Variants in LHFPL3 observed in about 807,000 individuals in gnomAD.
LHFPL3 encodes the protein LHFPL tetraspan subfamily member 3 protein.
Under a neutral mutation model 19.3 loss-of-function variants are expected in LHFPL3, and 5 were observed. That is an observed-to-expected ratio of 0.26 (90% CI 0.14 to 0.54). The LOEUF (loss-of-function observed/expected upper bound fraction) is 0.54, where lower values mean the gene tolerates loss of function less well. Ranked by LOEUF, LHFPL3 falls within the 20% of genes least tolerant of loss-of-function variation. The pLI is 0.94. For synonymous variants in LHFPL3, 133 were observed against 126.2 expected (o/e 1.05, Z -0.36); for missense variants, 249 against 307.4 (o/e 0.81, Z 1.42).
chr7:104,789,477 T>A (rs1181326950), intron 2 of LHFPL3, among the ~76,000 whole-genome samples: 1 of 152,162 alleles, frequency 6.6e-6, no homozygotes, highest in African/African-American at 2.4e-5. Context: ...TCTTCAGCTA[T>A]CTTCATGGAA....
At chr7:104,342,215 C>G (rs1024406) in intron 1 of LHFPL3, among the ~76,000 whole-genome samples, 84,792 of 151,556 alleles carry the variant, frequency 0.56, 24,177 homozygotes, top group East Asian at 0.68. Context: ...ATTCAGAACT[C>G]TAAGGTTCTA....
chr7:104,845,442 A>G (rs1791295706), intron 2 of LHFPL3: 2 of 1,535,776 alleles, frequency 1.3e-6, no homozygotes, highest in African/African-American at 2.7e-5. Context: ...AAGTGTGAGC[A>G]TGGCTTTGTG....
intron 2 of LHFPL3, among the ~76,000 whole-genome samples, chr7:104,840,027 GATTA>G (rs67950758): frequency 0.19 from 28,919 of 151,300 alleles, 2,986 homozygotes; most frequent in East Asian, 0.31. Context: ...TACATATTAA[GATTA>G]ATTGACAATT....
intron 1 of LHFPL3, among the ~76,000 whole-genome samples, chr7:104,418,855 C>T (rs1159660595): frequency 3.9e-5 from 6 of 152,228 alleles, no homozygotes; most frequent in Non-Finnish European, 7.3e-5. Context: ...AGCTAAAAGA[C>T]AGTGAATCCT....
At chr7:104,496,558 A>G (rs1049136437) in intron 1 of LHFPL3, among the ~76,000 whole-genome samples, 1 of 152,168 alleles carries the variant, frequency 6.6e-6, no homozygotes, top group African/African-American at 2.4e-5. Flanking sequence ...GACTTCCACA[A>G]GGGTTGAACT....
At chr7:104,506,711 CTG>C (rs1427812273) in intron 1 of LHFPL3, among the ~76,000 whole-genome samples, 1 of 152,156 alleles carries the variant, frequency 6.6e-6, no homozygotes, top group Non-Finnish European at 1.5e-5. Context: ...AGTGAAATAG[CTG>C]TGATTCAAAC....
rs116927862 is a variant in LHFPL3, at chr7:104,403,816, G to A, written c.445+74592G>A. ...CATTCCTATGCTATGTCTAGAGCAG[G>A]CTGGGCTCAGCAAACTACAGTAACC... is the stretch of plus-strand genomic sequence containing the variant. On this transcript the variant is annotated intron_variant, in intron 1 of 2. Coordinates refer to ENST00000424859, the MANE Select transcript of LHFPL3 (RefSeq NM_199000.3). Among the ~76,000 whole-genome samples the A allele has an allele frequency of 6.0e-3, 916 of 151,742 alleles. 74 individuals carry two copies. In the East Asian group the frequency reaches 0.16, roughly 26 times the overall value.
At chr7:104,712,729 A>C (rs2116219302) in intron 1 of LHFPL3, among the ~76,000 whole-genome samples, 1 of 152,344 alleles carries the variant, frequency 6.6e-6, no homozygotes, top group South Asian at 2.1e-4. Context: ...GACCCATATG[A>C]GAATTCTGAT....
At chr7:104,659,308 C>T (rs1792178644) in intron 1 of LHFPL3, among the ~76,000 whole-genome samples, 1 of 152,198 alleles carries the variant, frequency 6.6e-6, no homozygotes, top group African/African-American at 2.4e-5. Context: ...TGGCAGAATT[C>T]ATCTCATACC....
intron 2 of LHFPL3, among the ~76,000 whole-genome samples, chr7:104,795,717 G>A (rs549206387): frequency 2.0e-5 from 3 of 152,202 alleles, no homozygotes; most frequent in Admixed American, 2.0e-4. Flanking sequence ...ATTCAGAAAA[G>A]GCCAATTTAA....
chr7:104,421,662 A>G (rs1791735455), intron 1 of LHFPL3, among the ~76,000 whole-genome samples: 1 of 152,246 alleles, frequency 6.6e-6, no homozygotes, highest in African/African-American at 2.4e-5. Context: ...AAAAGATAAG[A>G]TAGATCTCCG....
At chr7:104,405,724 C>G (rs1367379838) in intron 1 of LHFPL3, among the ~76,000 whole-genome samples, 10 of 152,144 alleles carry the variant, frequency 6.6e-5, no homozygotes, top group Admixed American at 6.6e-4. Flanking sequence ...TTCTTGGCAA[C>G]ATTGTAACTC....
intron 1 of LHFPL3, among the ~76,000 whole-genome samples, chr7:104,465,489 G>A (rs1221010638): frequency 6.6e-6 from 1 of 152,204 alleles, no homozygotes; most frequent in Non-Finnish European, 1.5e-5. Context: ...CCAAGACTTG[G>A]TAATTTATGA....
At chr7:104,434,896 A>G (rs778494698) in intron 1 of LHFPL3, among the ~76,000 whole-genome samples, 3 of 152,170 alleles carry the variant, frequency 2.0e-5, no homozygotes, top group Admixed American at 6.5e-5. Context: ...TCATGTAGAT[A>G]TTAACAATAT....
chr7:104,498,365 G>T (rs1437621620), intron 1 of LHFPL3, among the ~76,000 whole-genome samples: 2 of 152,124 alleles, frequency 1.3e-5, no homozygotes, highest in Non-Finnish European at 2.9e-5. Context: ...ACTCATTTCT[G>T]CCTTTCATTC....
intron 1 of LHFPL3, among the ~76,000 whole-genome samples, chr7:104,378,088 TAG>T (rs975270172): frequency 1.3e-4 from 20 of 152,336 alleles, no homozygotes; most frequent in African/African-American, 4.3e-4. Flanking sequence ...GTACAGTTTA[TAG>T]AGTTTTATTT....
chr7:104,652,675 T>C (rs1792053458), intron 1 of LHFPL3, among the ~76,000 whole-genome samples: 1 of 152,030 alleles, frequency 6.6e-6, no homozygotes, highest in Non-Finnish European at 1.5e-5. Flanking sequence ...AGGAGGAGGC[T>C]TGGAGGTGGT....
rs373944595 is a variant in LHFPL3, at chr7:104,754,688, T to C, written c.682+17777T>C. Reference sequence around the variant, plus strand: ...TTGCGAAAGAACCCTGGCCTCATGATGCAGATCAATAGTGGGAACAGAAAG... The same window carrying C: ...TTGCGAAAGAACCCTGGCCTCATGACGCAGATCAATAGTGGGAACAGAAAG... On this transcript the variant is annotated intron_variant, in intron 2 of 2. Coordinates refer to ENST00000424859, the MANE Select transcript of LHFPL3 (RefSeq NM_199000.3). Among the ~76,000 whole-genome samples, 9 of 152,308 alleles carry C rather than the reference T, an allele frequency of 5.9e-5. 1 individual carries two copies. The highest frequency in any genetic ancestry group is 2.2e-4 in the African/African-American group (9 of 41,562).
chr7:104,554,002 G>A (rs1250336367), intron 1 of LHFPL3, among the ~76,000 whole-genome samples: 2 of 152,184 alleles, frequency 1.3e-5, no homozygotes, highest in African/African-American at 4.8e-5. Context: ...CCAAGCACGT[G>A]ATACCCCAGA....
Sources: gnomAD v4.1 joint callset for allele counts (sites outside exome capture counted in the v4.1 genomes callset) on GRCh38, gnomAD v4.1.1 for gene constraint, MANE v1.5 for transcripts, NCBI Gene and HGNC (gene_info 2026-07-23, HGNC 2026-07-21) for gene names.